The following PHACTR4 variants were observed in gnomAD, a reference collection of about 807,000 sequenced individuals.
PHACTR4 encodes phosphatase and actin regulator 4, also known as protein phosphatase 1, regulatory subunit 124.
Under a neutral mutation model 72.7 loss-of-function variants are expected in PHACTR4, and 51 were observed. The ratio of observed to expected loss-of-function variants is 0.70; its 90% CI spans 0.56 to 0.89. The LOEUF (loss-of-function observed/expected upper bound fraction) is 0.89. Ranked by LOEUF, PHACTR4 falls within the 40% of genes least tolerant of loss-of-function variation. PHACTR4 has a pLI of 0.00. For missense variants in PHACTR4, 731 were observed against 861.8 expected (o/e 0.85, Z 1.90); for synonymous variants, 255 against 302.5 (o/e 0.84, Z 1.63).
intron 1 of PHACTR4, among the ~76,000 whole-genome samples, chr1:28,398,585 A>C (rs572164417): frequency 6.6e-6 from 1 of 151,850 alleles, no homozygotes; most frequent in South Asian, 2.1e-4. Context: ...TTGGGAGGCT[A>C]AGGCAGGCGG....
chr1:28,461,895 C>G (rs1658835269), intron 4 of PHACTR4, among the ~76,000 whole-genome samples: 1 of 149,052 alleles, frequency 6.7e-6, no homozygotes, highest in South Asian at 2.1e-4. Flanking sequence ...GCATATATAA[C>G]TTTTGTTTTA....
chr1:28,373,456 A>G (rs765193039), intron 1 of PHACTR4, among the ~76,000 whole-genome samples: 4 of 151,594 alleles, frequency 2.6e-5, no homozygotes, highest in Non-Finnish European at 5.9e-5. Flanking sequence ...ATGCCTGGCT[A>G]ATTTTGTATT....
At chr1:28,460,365 G>A in intron 4 of PHACTR4, 73 bp downstream of exon 4, 1 of 1,110,482 alleles carries the variant, frequency 9.0e-7, no homozygotes, top group Non-Finnish European at 1.3e-6. Flanking sequence ...CGAGATATTT[G>A]AATTTTCTTT....
Position 28,404,932 on chromosome 1 carries a change from G to T in PHACTR4, c.-38-2478G>T, listed in dbSNP as rs1037875261. ...CCTCTCATCCTTCACCCTCAAGCAG[G>T]CCCCAGTGTCTGTTGTTCCCCTCCT... On this transcript the variant is annotated intron_variant, in intron 1 of 13. Transcript: ENST00000373839. Among the ~76,000 whole-genome samples the T allele has an allele frequency of 7.2e-5, 11 of 151,844 alleles. No individual in the cohort carries two copies. In the South Asian group the frequency reaches 2.3e-3, roughly 32 times the overall value.
chr1:28,482,268 TC>T (rs1660329288), intron 9 of PHACTR4, among the ~76,000 whole-genome samples: 2 of 152,160 alleles, frequency 1.3e-5, no homozygotes, highest in African/African-American at 4.8e-5. Context: ...TCAGAATGGT[TC>T]CCAGAACAGA....
chr1:28,471,730 G>T (rs1460705207), intron 6 of PHACTR4, among the ~76,000 whole-genome samples: 7 of 152,052 alleles, frequency 4.6e-5, no homozygotes, highest in African/African-American at 1.7e-4. Context: ...GATACAGGGT[G>T]AAGGCTTCTC....
intron 9 of PHACTR4, among the ~76,000 whole-genome samples, chr1:28,482,842 G>A (rs966123741): frequency 2.0e-5 from 3 of 150,118 alleles, no homozygotes; most frequent in Admixed American, 2.0e-4. Flanking sequence ...TGGAAGCTTA[G>A]GTAGAAGGAT....
chr1:28,490,167 G>A (rs754120277), intron 10 of PHACTR4, among the ~76,000 whole-genome samples: 10 of 152,286 alleles, frequency 6.6e-5, no homozygotes, highest in Admixed American at 4.6e-4. Context: ...GGCAACTGGC[G>A]AGATGTGGTG....
chr1:28,455,620 C>T (rs1658335201), intron 2 of PHACTR4, among the ~76,000 whole-genome samples: 1 of 152,072 alleles, frequency 6.6e-6, no homozygotes, highest in Non-Finnish European at 1.5e-5. Context: ...ACCTGACTGA[C>T]CTTAGGACCC....
intron 10 of PHACTR4, among the ~76,000 whole-genome samples, chr1:28,489,600 TG>T (rs1350829620): frequency 6.6e-6 from 1 of 152,216 alleles, no homozygotes; most frequent in Non-Finnish European, 1.5e-5. Context: ...ATGTGAGGGC[TG>T]GGGCCCAAAG....
rs1658152662 is a variant in PHACTR4, at chr1:28,453,726, A to C, written c.17-5359A>C. The C allele has an allele frequency of 5.0e-6, 6 of 1,194,230 alleles. No individual in the cohort carries two copies. The Admixed American group carries it at 1.1e-4, about 21-fold the overall frequency. 74.0% of individuals were successfully genotyped at this position (1,194,230 alleles called of 1,614,324 possible). A position where few individuals can be genotyped will look rare whatever the true frequency, so the allele number is the denominator to read the frequency against. ...AATTTGAACCCATTTGAGGTTCTTC[A>C]GTTAGATCCTGAAGTTACAGATGAA... On this transcript the variant is annotated intron_variant, in intron 2 of 13. Transcript: ENST00000373839.
intron 2 of PHACTR4, among the ~76,000 whole-genome samples, chr1:28,448,876 G>T (rs554838133): frequency 7.1e-6 from 1 of 140,888 alleles, no homozygotes; most frequent in Non-Finnish European, 1.5e-5. Context: ...GGGCGGGGGT[G>T]GGGGGACAAG....
Position 28,473,895 on chromosome 1 carries a change from G to A in PHACTR4, c.1165G>A (p.Asp389Asn). 1 of 1,614,086 alleles carries A rather than the reference G, an allele frequency of 6.2e-7. No homozygotes were observed. The change falls in exon 7 of 14, where the codon GAT becomes AAT. Residue 389 changes from aspartate to asparagine, a missense_variant. Asp to Asn is a conservative substitution (Grantham distance 23). This residue lies in a region of PHACTR4 where 621 missense variants were observed against 676.6 expected (regional missense o/e 0.92). Coordinates refer to ENST00000373839, the MANE Select transcript of PHACTR4 (RefSeq NM_001048183.3). ...DLHQEIPQQE[D>N]QKKEVPKRIL... is the part of the protein sequence containing the mutation. ...ACACCAGGAGATTCCCCAGCAGGAA[G>A]ATCAGAAAAAGGAAGTCCCCAAGAG... is the stretch of plus-strand genomic sequence containing the variant.
intron 2 of PHACTR4, among the ~76,000 whole-genome samples, chr1:28,434,212 T>C (rs944756835): frequency 7.2e-5 from 11 of 152,234 alleles, no homozygotes; most frequent in African/African-American, 2.7e-4. Context: ...TAAGGATACC[T>C]GGATTTTAGT....
chr1:28,476,998 G>A (rs1026226728), intron 8 of PHACTR4, among the ~76,000 whole-genome samples: 2 of 151,028 alleles, frequency 1.3e-5, no homozygotes, highest in Non-Finnish European at 2.9e-5. Context: ...TCAAACTCCC[G>A]ACCTCAGGTG....
intron 2 of PHACTR4, among the ~76,000 whole-genome samples, chr1:28,417,233 T>A (rs936622624): frequency 5.3e-5 from 8 of 152,186 alleles, no homozygotes; most frequent in Non-Finnish European, 8.8e-5. Flanking sequence ...AGTCCCTCCT[T>A]ATTTATGGGG....
chr1:28,491,892 G>C (rs926449960), intron 12 of PHACTR4, 105 bp downstream of exon 12: 6 of 1,294,614 alleles, frequency 4.6e-6, no homozygotes, highest in Middle Eastern at 2.3e-4. Context: ...AAAACTTCTA[G>C]TTTTAATATA....
intron 1 of PHACTR4, among the ~76,000 whole-genome samples, chr1:28,384,621 G>A (rs1021506495): frequency 6.6e-6 from 1 of 152,096 alleles, no homozygotes; most frequent in Non-Finnish European, 1.5e-5. Context: ...TCCACCAGGC[G>A]CAAGGGCTCA....
intron 2 of PHACTR4, among the ~76,000 whole-genome samples, chr1:28,455,647 G>T (rs1658337277): frequency 6.6e-6 from 1 of 152,150 alleles, no homozygotes; most frequent in African/African-American, 2.4e-5. Context: ...GACCTGGAGA[G>T]ATTTTTTAAA....
Sources: gnomAD v4.1 joint callset for allele counts (sites outside exome capture counted in the v4.1 genomes callset) on GRCh38, gnomAD v4.1.1 for gene constraint, gnomAD v4.1.1 regional missense constraint, MANE v1.5 for transcripts, NCBI Gene and HGNC (gene_info 2026-07-23, HGNC 2026-07-21) for gene names.